MYO18B: variants seen among roughly 807,000 people sequenced by gnomAD.
The protein encoded by MYO18B is myosin XVIIIB, also known as unconventional myosin-XVIIIb.
Under a neutral mutation model 273.0 loss-of-function variants are expected in MYO18B, and 204 were observed. The observed-to-expected ratio is 0.75, with a 90% CI of 0.67 to 0.84. MYO18B has a LOEUF of 0.84. Ranked by LOEUF, MYO18B falls within the 40% of genes least tolerant of loss-of-function variation. MYO18B has a pLI of 0.00. For missense variants in MYO18B, 3,212 were observed against 3,287.6 expected (o/e 0.98, Z 0.56); for synonymous variants, 1,330 against 1,305.7 (o/e 1.02, Z -0.40).
chr22:25,776,729 T>C (rs796640665), intron 7 of MYO18B, among the ~76,000 whole-genome samples: 5 of 152,304 alleles, frequency 3.3e-5, no homozygotes, highest in African/African-American at 1.2e-4. Flanking sequence ...ACCAATGACA[T>C]AGAGGGGTTT....
At chr22:25,771,942 C>T (rs1413129735) in intron 6 of MYO18B, among the ~76,000 whole-genome samples, 1 of 152,196 alleles carries the variant, frequency 6.6e-6, no homozygotes, top group Non-Finnish European at 1.5e-5. Context: ...TGAGAGCTTC[C>T]TCGTAAGACC....
chr22:25,933,883 T>C (rs1411289300), intron 34 of MYO18B, among the ~76,000 whole-genome samples: 1 of 152,176 alleles, frequency 6.6e-6, no homozygotes, highest in Non-Finnish European at 1.5e-5. Context: ...ATAGTACACA[T>C]GGTTTTTGTC....
intron 1 of MYO18B, among the ~76,000 whole-genome samples, chr22:25,747,236 T>A (rs1029855767): frequency 4.6e-5 from 7 of 152,250 alleles, no homozygotes; most frequent in Non-Finnish European, 1.0e-4. Flanking sequence ...TCTTGCTTCA[T>A]GGTGGCCGGG....
At chr22:25,836,727 G>A (rs150291235) in intron 17 of MYO18B, among the ~76,000 whole-genome samples, 2,614 of 152,212 alleles carry the variant, frequency 0.017, 40 homozygotes, top group Middle Eastern at 0.065. Context: ...TTGGGAGGCC[G>A]AGGTGGGTGG....
At chr22:25,846,483 T>G (rs1482540884) in intron 19 of MYO18B, among the ~76,000 whole-genome samples, 200 bp downstream of exon 19, 1 of 152,180 alleles carries the variant, frequency 6.6e-6, no homozygotes, top group African/African-American at 2.4e-5. Flanking sequence ...CCCCAGGAAG[T>G]GACTGATCCA....
chr22:25,828,129 G>A (rs5761260), intron 14 of MYO18B, among the ~76,000 whole-genome samples: 8,546 of 152,196 alleles, frequency 0.056, 554 homozygotes, highest in African/African-American at 0.16. Context: ...AGCCATGGAA[G>A]CTTATCACAC....
At position 26,004,559 on chromosome 22, in the gene MYO18B, A is replaced by T. The variant is rs73883015; in HGVS notation, c.6333-159A>T. ...AAATCTCAGTAATTCCATCTGTGTA[A>T]CTGTGACAGCACTGGCTCCTACCTC... On this transcript the variant is annotated intron_variant, in intron 41 of 43. Coordinates refer to ENST00000335473, the MANE Select transcript of MYO18B (RefSeq NM_032608.7). 0.038 allele frequency among the ~76,000 whole-genome samples: 5,835 copies of T among 152,302 alleles called. 126 individuals carry two copies. The highest frequency in any genetic ancestry group is 0.064 in the African/African-American group (2,672 of 41,556).
At chr22:25,818,030 C>T (rs529575028) in intron 12 of MYO18B, among the ~76,000 whole-genome samples, 35 of 152,222 alleles carry the variant, frequency 2.3e-4, no homozygotes, top group African/African-American at 7.9e-4. Context: ...CCTAGCAACC[C>T]GAAAAATGGC....
At chr22:25,922,718 C>G (rs2092365752) in intron 34 of MYO18B, among the ~76,000 whole-genome samples, 1 of 152,120 alleles carries the variant, frequency 6.6e-6, no homozygotes, top group African/African-American at 2.4e-5. Context: ...GAGACACAGC[C>G]CATGATGACC....
intron 11 of MYO18B, among the ~76,000 whole-genome samples, chr22:25,793,387 A>T (rs2087764365): frequency 6.6e-6 from 1 of 152,078 alleles, no homozygotes; most frequent in Non-Finnish European, 1.5e-5. Context: ...AGGACATATC[A>T]CCATGCCTGG....
rs562005180 is a variant in MYO18B, at chr22:25,919,764, C to T, written c.5365-1493C>T. Among the ~76,000 whole-genome samples, 16 of 151,712 alleles carry T rather than the reference C, an allele frequency of 1.1e-4. No individual in the cohort carries two copies. In the East Asian group the frequency reaches 2.1e-3, roughly 20 times the overall value. ...AACAATACATTTCAGATATAAAGACCGTATTCTGAGAACCAACTCGTTTTT... is the reference window on the plus strand; with the variant it reads ...AACAATACATTTCAGATATAAAGACTGTATTCTGAGAACCAACTCGTTTTT... On this transcript the variant is annotated intron_variant, in intron 33 of 43. Coordinates refer to ENST00000335473, the MANE Select transcript of MYO18B (RefSeq NM_032608.7).
chr22:26,063,547 C>T, the MYO18B span, among the ~76,000 whole-genome samples: 1 of 152,142 alleles, frequency 6.6e-6, no homozygotes, highest in African/African-American at 2.4e-5. Flanking sequence ...TGTGAGATGC[C>T]TGACTCAGGT....
intron 12 of MYO18B, among the ~76,000 whole-genome samples, chr22:25,801,963 G>A (rs1173175418): frequency 4.6e-5 from 7 of 152,148 alleles, no homozygotes; most frequent in East Asian, 1.9e-4. Context: ...CAAGTACCCT[G>A]TGTTCCTGCC....
intron 34 of MYO18B, among the ~76,000 whole-genome samples, chr22:25,943,785 T>C (rs980579549): frequency 6.7e-6 from 1 of 149,384 alleles, no homozygotes; most frequent in Non-Finnish European, 1.5e-5. Flanking sequence ...AATGGTGCGA[T>C]CTCGGCTCAC....
chr22:25,819,051 C>G (rs1386824720), intron 12 of MYO18B, among the ~76,000 whole-genome samples: 1 of 152,098 alleles, frequency 6.6e-6, no homozygotes, highest in Non-Finnish European at 1.5e-5. Context: ...TTCTTGACCT[C>G]CCCTGGGAAG....
rs372586688 is a variant in MYO18B at position 25,769,017 on chromosome 22, C to T, written c.1101C>T (p.Asp367=). The change falls in exon 4 of 44, where the codon GAC becomes GAT. Residue 367 remains aspartate, a synonymous_variant. Coordinates refer to ENST00000335473, the MANE Select transcript of MYO18B (RefSeq NM_032608.7). ...GCCAAGTGCAGGGCGAGTTGGGGGACGATCTGAGAATGGGGGAGAAAGCAG... is the reference window on the plus strand; with the variant it reads ...GCCAAGTGCAGGGCGAGTTGGGGGATGATCTGAGAATGGGGGAGAAAGCAG... ...KTSQVQGELG[D]DLRMGEKAGE... The T allele has an allele frequency of 1.1e-4, 170 of 1,610,958 alleles. No homozygotes were observed. The African/African-American group carries it at 1.4e-3, about 13-fold the overall frequency.
intron 22 of MYO18B, among the ~76,000 whole-genome samples, chr22:25,873,760 C>A (rs955502066): frequency 1.3e-5 from 2 of 152,184 alleles, no homozygotes; most frequent in African/African-American, 4.8e-5. Flanking sequence ...GTTTCTAAGC[C>A]ACTGCTTCAC....
At chr22:25,935,404 AG>A (rs1368964651) in intron 34 of MYO18B, among the ~76,000 whole-genome samples, 2 of 152,190 alleles carry the variant, frequency 1.3e-5, no homozygotes, top group African/African-American at 4.8e-5. Flanking sequence ...AACCCCCTGG[AG>A]GGGGTACTTT....
Position 25,846,288 on chromosome 22 carries a change from G to A in MYO18B, c.3552+5G>A. On this transcript the variant is annotated splice_donor_5th_base_variant and intron_variant, in intron 19 of 43. Transcript: ENST00000335473. The stretch of plus-strand genomic sequence containing the variant: ...TCCCAGATCAAGCTGCAGATGGTGA[G>A]TGGGCACCCTGTCTCATGGTGTCCT... 1 of 1,610,702 alleles carries A rather than the reference G, an allele frequency of 6.2e-7. No individual in the cohort carries two copies. Among genetic ancestry groups the A allele is most frequent in the Non-Finnish European group, 8.5e-7 (1 of 1,179,698 alleles).
Sources: allele counts gnomAD v4.1 joint callset (sites outside exome capture counted in the v4.1 genomes callset), GRCh38; gene constraint gnomAD v4.1.1; transcripts MANE v1.5; gene names NCBI Gene and HGNC (gene_info 2026-07-23, HGNC 2026-07-21).